The following AUTS2 variants were observed in gnomAD, a reference collection of about 807,000 sequenced individuals.
AUTS2 encodes the protein activator of transcription and developmental regulator AUTS2.
Under a neutral mutation model 112.4 loss-of-function variants are expected in AUTS2, and 17 were observed. That is an observed-to-expected ratio of 0.15 (90% CI 0.10 to 0.23). AUTS2 has a LOEUF of 0.23. AUTS2 is among the 10% of genes least tolerant of loss of function. AUTS2 has a pLI of 1.00. For missense variants in AUTS2, 1,510 were observed against 1,701.6 expected, an observed-to-expected ratio of 0.89 and a Z score of 1.98; for synonymous variants, 751 against 702.7, an observed-to-expected ratio of 1.07 and a Z score of -1.09.
At chr7:69,613,040 A>G (rs1214481319) in intron 1 of AUTS2, among the ~76,000 whole-genome samples, 3 of 152,232 alleles carry the variant, frequency 2.0e-5, no homozygotes, top group South Asian at 2.1e-4. Flanking sequence ...ACCCCATGAA[A>G]AAAAGAATAA....
intron 5 of AUTS2, among the ~76,000 whole-genome samples, chr7:70,586,985 T>C (rs1585337953): frequency 6.6e-6 from 1 of 152,320 alleles, no homozygotes; most frequent in South Asian, 2.1e-4. Flanking sequence ...TTAGGTCTAA[T>C]TCCAGTCATA....
chr7:70,101,250 T>C (rs1325085547), intron 2 of AUTS2, among the ~76,000 whole-genome samples: 1 of 152,156 alleles, frequency 6.6e-6, no homozygotes, highest in Non-Finnish European at 1.5e-5. Flanking sequence ...TGATATATGT[T>C]GTATAATGAT....
Position 69,996,883 on chromosome 7 carries a change from G to A in AUTS2, c.522+97385G>A, listed in dbSNP as rs868394217. Among the ~76,000 whole-genome samples the A allele has an allele frequency of 5.4e-5, 8 of 147,614 alleles. No homozygotes were observed. In the Middle Eastern group the frequency reaches 0.011, roughly 204 times the overall value. On this transcript the variant is annotated intron_variant, in intron 2 of 18. Coordinates refer to ENST00000342771, the MANE Select transcript of AUTS2 (RefSeq NM_015570.4). Reference sequence around the variant, plus strand: ...CCCACTCCAGACCTACTAAATCTGGGCGTTAGAATCTCAATCTTGGGTTTT... The same window carrying A: ...CCCACTCCAGACCTACTAAATCTGGACGTTAGAATCTCAATCTTGGGTTTT...
At chr7:70,020,074 A>G (rs1182004587) in intron 2 of AUTS2, among the ~76,000 whole-genome samples, 1 of 152,182 alleles carries the variant, frequency 6.6e-6, no homozygotes, top group Non-Finnish European at 1.5e-5. Context: ...TCTTTCCACA[A>G]ATATTTATTG....
In AUTS2 at chr7:70,017,769, T is replaced by A. The variant is rs75106528; in HGVS notation, c.523-100363T>A. ...TAGAATTAAAATCAGAAACAACCAGTTATATTGTGATAGTTTTTTCTTTAA... is the reference window on the plus strand; with the variant it reads ...TAGAATTAAAATCAGAAACAACCAGATATATTGTGATAGTTTTTTCTTTAA... On this transcript the variant is annotated intron_variant, in intron 2 of 18. Coordinates refer to ENST00000342771, the MANE Select transcript of AUTS2 (RefSeq NM_015570.4). 2.1e-3 allele frequency among the ~76,000 whole-genome samples: 319 copies of A among 151,712 alleles called. 9 individuals carry two copies. The East Asian group carries it at 0.055, about 26-fold the overall frequency.
intron 2 of AUTS2, among the ~76,000 whole-genome samples, chr7:69,944,778 C>T (rs771005243): frequency 6.6e-6 from 1 of 152,148 alleles, no homozygotes; most frequent in Non-Finnish European, 1.5e-5. Context: ...TGATTTTACC[C>T]TTACGTATCA....
chr7:70,782,905 G>A (rs553030510), intron 15 of AUTS2: 2 of 152,342 alleles, frequency 1.3e-5, no homozygotes, highest in South Asian at 4.1e-4. Context: ...CTGGAGGGTA[G>A]ATGGAATTTG....
intron 5 of AUTS2, among the ~76,000 whole-genome samples, chr7:70,485,895 C>T (rs1259977256): frequency 1.3e-5 from 2 of 151,722 alleles, no homozygotes; most frequent in Non-Finnish European, 1.5e-5. Flanking sequence ...CCTGAAGAGA[C>T]GTATTCTGAG....
At chr7:70,358,257 T>A (rs192975502) in intron 4 of AUTS2, among the ~76,000 whole-genome samples, 1 of 152,364 alleles carries the variant, frequency 6.6e-6, no homozygotes, top group Non-Finnish European at 1.5e-5. Context: ...GGAAAGGATT[T>A]TAAACAGTAT....
At chr7:70,193,006 T>A (rs977469024) in intron 4 of AUTS2, among the ~76,000 whole-genome samples, 1 of 152,212 alleles carries the variant, frequency 6.6e-6, no homozygotes, top group African/African-American at 2.4e-5. Context: ...AAAGCCAGTA[T>A]GTGCGAAGAG....
intron 1 of AUTS2, among the ~76,000 whole-genome samples, chr7:69,812,014 T>G (rs552371142): frequency 6.6e-6 from 1 of 152,194 alleles, no homozygotes; most frequent in African/African-American, 2.4e-5. Flanking sequence ...AATGTAGAAT[T>G]TTGGCTTACT....
intron 1 of AUTS2, among the ~76,000 whole-genome samples, chr7:69,669,853 A>G (rs1163962363): frequency 2.0e-5 from 3 of 152,016 alleles, no homozygotes; most frequent in Admixed American, 1.3e-4. Flanking sequence ...TATTGAACTC[A>G]TTTATTGAAC....
At chr7:70,495,158 A>G (rs1338923921) in intron 5 of AUTS2, among the ~76,000 whole-genome samples, 1 of 150,862 alleles carries the variant, frequency 6.6e-6, no homozygotes, top group African/African-American at 2.4e-5. Context: ...TCAGTTACCC[A>G]GGGCACCTGG....
chr7:70,740,750 A>G (rs750763161), intron 6 of AUTS2, among the ~76,000 whole-genome samples: 1 of 152,136 alleles, frequency 6.6e-6, no homozygotes, highest in Non-Finnish European at 1.5e-5. Flanking sequence ...GTTACTTATT[A>G]AGTACATTGA....
At chr7:69,879,624 T>C (rs719294) in intron 1 of AUTS2, among the ~76,000 whole-genome samples, 15,351 of 152,194 alleles carry the variant, frequency 0.1, 1,241 homozygotes, top group African/African-American at 0.22. Context: ...TATTAACTTA[T>C]TAAATTCTCA....
chr7:70,624,254 C>T (rs1220559141), intron 5 of AUTS2, among the ~76,000 whole-genome samples: 1 of 152,172 alleles, frequency 6.6e-6, no homozygotes, highest in Non-Finnish European at 1.5e-5. Context: ...CGTGGGACCT[C>T]CTTCCAATGG....
chr7:70,769,251 A>G (rs1240984854), intron 10 of AUTS2, among the ~76,000 whole-genome samples: 2 of 152,224 alleles, frequency 1.3e-5, no homozygotes, highest in East Asian at 3.8e-4. Context: ...TGTTCTGCTC[A>G]GTACCAGAAT....
intron 5 of AUTS2, among the ~76,000 whole-genome samples, chr7:70,692,267 A>G (rs960299905): frequency 6.6e-6 from 1 of 152,238 alleles, no homozygotes; most frequent in African/African-American, 2.4e-5. Flanking sequence ...CTAAGCTGCC[A>G]TGCCATCGTG....
chr7:70,358,700 A>G (rs1415590289), intron 4 of AUTS2, among the ~76,000 whole-genome samples: 1 of 152,228 alleles, frequency 6.6e-6, no homozygotes, highest in Non-Finnish European at 1.5e-5. Context: ...CCACGACTTC[A>G]TGGATTCTTG....
Sources: allele counts gnomAD v4.1 joint callset (sites outside exome capture counted in the v4.1 genomes callset), GRCh38; gene constraint gnomAD v4.1.1; transcripts MANE v1.5; gene names NCBI Gene and HGNC (gene_info 2026-07-23, HGNC 2026-07-21).